The following NCOA1 variants were observed in gnomAD, a reference collection of about 807,000 sequenced individuals.
NCOA1 encodes the protein nuclear receptor coactivator 1.
In NCOA1, 35 loss-of-function variants were observed where a neutral mutation model predicts 150.9. The ratio of observed to expected loss-of-function variants is 0.23; its 90% CI spans 0.18 to 0.31. The LOEUF (loss-of-function observed/expected upper bound fraction) is 0.31. Among genes scored for constraint, NCOA1 ranks in the 10% least tolerant of loss-of-function variants. The pLI is 1.00. For missense variants in NCOA1, 1,491 were observed against 1,749.3 expected (o/e 0.85, Z 2.63); for synonymous variants, 590 against 630.0 (o/e 0.94, Z 0.95).
At chr2:24,502,595 C>A (rs11125627) in intron 1 of NCOA1, among the ~76,000 whole-genome samples, 37,808 of 152,028 alleles carry the variant, frequency 0.25, 4,908 homozygotes, top group East Asian at 0.31. Context: ...GGCATTTAAA[C>A]CTTTCCAGTG....
rs773342898 is a variant in NCOA1, at chr2:24,697,672, A to G, written c.823A>G (p.Ile275Val). The change falls in exon 11 of 23, where the codon ATT (isoleucine) becomes GTT (valine). Residue 275 changes from isoleucine to valine, a missense_variant. Transcript: ENST00000348332. Reference sequence around the variant, plus strand: ...TCTTTGTACAGGTAAAATCATCTCTATTGATACTAGTTCCCTGAGAGCTGC... The same window carrying G: ...TCTTTGTACAGGTAAAATCATCTCTGTTGATACTAGTTCCCTGAGAGCTGC... ...KQDTTGKIIS[I>V]DTSSLRAAGR... 1.9e-6 allele frequency: 3 copies of G among 1,611,532 alleles called. No individual in the cohort carries two copies. The highest frequency in any genetic ancestry group is 1.3e-5 in the African/African-American group (1 of 74,980).
chr2:24,517,010 A>G (rs1276009859), intron 1 of NCOA1, among the ~76,000 whole-genome samples: 25 of 146,064 alleles, frequency 1.7e-4, no homozygotes, highest in East Asian at 6.0e-4. Flanking sequence ...GCGCGCACAC[A>G]CACACACACA....
intron 14 of NCOA1, chr2:24,711,318 ATTAATG>A: frequency 2.1e-6 from 1 of 466,448 alleles, no homozygotes; most frequent in Non-Finnish European, 3.6e-6. Context: ...TCCTTTTGTA[ATTAATG>A]TTAAGGTGAG....
chr2:24,707,017 G>A lies in NCOA1; in HGVS notation c.1547G>A (p.Ser516Asn), dbSNP rs968433006. The stretch of plus-strand genomic sequence containing the variant: ...TTTCCTCCTAATATTTCGACATTAA[G>A]CTCTCCCGTTGGCATGACAAGTAGT... ...NSFPPNISTLSSPVGMTSSAC... is the reference protein window; with the variant it reads ...NSFPPNISTLNSPVGMTSSAC... Residue 516 changes from serine to asparagine, a missense_variant, in exon 13 of 23, where the codon AGC becomes AAC. By Grantham distance (46) the Ser-to-Asn change is conservative. Transcript: ENST00000348332. 6.2e-7 allele frequency: 1 copy of A among 1,614,116 alleles called. No homozygotes were observed. Among genetic ancestry groups the A allele is most frequent in the African/African-American group, 1.3e-5 (1 of 75,028 alleles).
At chr2:24,692,654 A>G (rs1296871773) in intron 9 of NCOA1, among the ~76,000 whole-genome samples, 1 of 152,210 alleles carries the variant, frequency 6.6e-6, no homozygotes, top group African/African-American at 2.4e-5. Context: ...CAAAACTACT[A>G]CTTGTAGTTG....
chr2:24,602,877 C>T (rs1668190818), intron 3 of NCOA1, among the ~76,000 whole-genome samples: 1 of 152,192 alleles, frequency 6.6e-6, no homozygotes, highest in Non-Finnish European at 1.5e-5. Flanking sequence ...TATTCCTCTT[C>T]CTGCACTGTT....
At chr2:24,578,811 T>C (rs1667088339) in intron 2 of NCOA1, among the ~76,000 whole-genome samples, 1 of 152,196 alleles carries the variant, frequency 6.6e-6, no homozygotes, top group Admixed American at 6.5e-5. Flanking sequence ...AAAAAAAAGC[T>C]ATATTAGAGC....
chr2:24,653,642 A>G (rs1454560793), intron 4 of NCOA1, among the ~76,000 whole-genome samples: 2 of 152,178 alleles, frequency 1.3e-5, no homozygotes, highest in South Asian at 4.1e-4. Flanking sequence ...TGAGTTCACA[A>G]TCCCAAAAGG....
chr2:24,533,990 T>C (rs1212728278), intron 1 of NCOA1, among the ~76,000 whole-genome samples: 2 of 152,216 alleles, frequency 1.3e-5, no homozygotes, highest in Non-Finnish European at 2.9e-5. Flanking sequence ...TCTTTTTCTG[T>C]TGATTGGAAT....
intron 3 of NCOA1, among the ~76,000 whole-genome samples, chr2:24,623,609 C>T (rs1015543750): frequency 6.6e-6 from 1 of 152,166 alleles, no homozygotes; most frequent in African/African-American, 2.4e-5. Context: ...CTTGGACTGC[C>T]ATAGCAGAAT....
intron 1 of NCOA1, among the ~76,000 whole-genome samples, chr2:24,530,556 A>G (rs763496354): frequency 8.5e-5 from 13 of 152,182 alleles, no homozygotes; most frequent in Non-Finnish European, 1.6e-4. Context: ...CCACATAGCT[A>G]CTTCCCACCA....
intron 14 of NCOA1, chr2:24,711,379 C>T (rs1673739323): frequency 7.3e-6 from 2 of 274,212 alleles, no homozygotes; most frequent in Non-Finnish European, 1.4e-5. Flanking sequence ...ACCCAAAACA[C>T]CCCATAACAG....
At chr2:24,629,809 CATACATACATATATATATAT>C (rs1055438060) in intron 3 of NCOA1, among the ~76,000 whole-genome samples, 8 of 97,378 alleles carry the variant, frequency 8.2e-5, no homozygotes, top group African/African-American at 1.4e-4. Context: ...TTTTAAGTAA[CATACATACATATATATATAT>C]ATATATATAT....
At chr2:24,550,652 A>G (rs1021770975) in intron 1 of NCOA1, among the ~76,000 whole-genome samples, 3 of 152,240 alleles carry the variant, frequency 2.0e-5, no homozygotes, top group Non-Finnish European at 4.4e-5. Flanking sequence ...CATATCAGAT[A>G]TGCCACTGTT....
intron 19 of NCOA1, among the ~76,000 whole-genome samples, chr2:24,748,122 G>GA (rs1387603955): frequency 2.7e-5 from 4 of 147,106 alleles, no homozygotes; most frequent in East Asian, 2.0e-4. Flanking sequence ...AAAGAAAAAA[G>GA]AAAAAAAAAT....
At chr2:24,726,755 A>G (rs767590024) in intron 15 of NCOA1, 49 bp downstream of exon 15, 3 of 1,170,342 alleles carry the variant, frequency 2.6e-6, no homozygotes, top group Non-Finnish European at 3.7e-6. Context: ...CCAACTTCTA[A>G]ACAGAGAACT....
At chr2:24,742,737 T>G (rs1336575341) in intron 19 of NCOA1, among the ~76,000 whole-genome samples, 1 of 152,136 alleles carries the variant, frequency 6.6e-6, no homozygotes. Flanking sequence ...ATTTTTTAAT[T>G]TTTCTCATTG....
At chr2:24,581,331 C>T (rs1667185670) in intron 2 of NCOA1, among the ~76,000 whole-genome samples, 1 of 152,232 alleles carries the variant, frequency 6.6e-6, no homozygotes, top group African/African-American at 2.4e-5. Flanking sequence ...GGGACTGGCT[C>T]CCTACTGGCC....
At chr2:24,503,716 C>T (rs1663564036) in intron 1 of NCOA1, among the ~76,000 whole-genome samples, 1 of 149,500 alleles carries the variant, frequency 6.7e-6, no homozygotes, top group South Asian at 2.1e-4. Flanking sequence ...AATTTTTTAT[C>T]ATGTATACTT....
Sources: gnomAD v4.1 joint callset for allele counts (sites outside exome capture counted in the v4.1 genomes callset) on GRCh38, gnomAD v4.1.1 for gene constraint, MANE v1.5 for transcripts, NCBI Gene and HGNC (gene_info 2026-07-23, HGNC 2026-07-21) for gene names.